ZNF648: variants seen among roughly 807,000 people sequenced by gnomAD.
ZNF648 encodes the protein zinc finger protein 648.
A neutral mutation model predicts 0.3 loss-of-function variants in ZNF648; 1 was observed. The observed-to-expected ratio is 3.90, with a 90% CI of 1.39 to 18.51. The LOEUF is 18.51. Among genes scored for constraint, ZNF648 ranks in the 30% most tolerant of loss-of-function variants. The probability of loss-of-function intolerance (pLI) is 0.11; values close to 1 mark genes in which losing one functional copy is unlikely to be tolerated. For synonymous variants in ZNF648, 376 were observed against 326.8 expected (o/e 1.15, Z -1.62); for missense variants, 874 against 769.7 (o/e 1.14, Z -1.60).
chr1:182,057,721 A>G lies in ZNF648; in HGVS notation c.290T>C (p.Met97Thr). 6.2e-7 allele frequency: 1 copy of G among 1,614,198 alleles called. No individual in the cohort carries two copies. Among genetic ancestry groups the G allele is most frequent in the Non-Finnish European group, 8.5e-7 (1 of 1,180,038 alleles). Reference sequence around the variant, plus strand: ...TCTGCTCCAACTGGCTTTCCCAGACATTTCCACTGGTTTCTGCCCCATGCC... The same window carrying G: ...TCTGCTCCAACTGGCTTTCCCAGACGTTTCCACTGGTTTCTGCCCCATGCC... Reference protein sequence around the residue: ...AGGMGQKPVEMSGKASWSRDV... With the variant: ...AGGMGQKPVETSGKASWSRDV... Residue 97 changes from methionine (M) to threonine (T), a missense_variant, in exon 2 of 2, where the codon ATG becomes ACG. By Grantham distance (81) the Met-to-Thr change is moderately conservative (BLOSUM62 -1). Transcript: ENST00000339948.
Position 182,056,958 on chromosome 1 carries a change from G to C in ZNF648, c.1053C>G (p.Arg351=), listed in dbSNP as rs758140827. The part of the protein sequence containing the change: ...GKAFVRSSDL[R]KHQRNMHSNN... ...TGCTGTGCATGTTGCGCTGGTGTTT[G>C]CGCAGGTCCGAAGAGCGCACGAAGG... Residue 351 remains arginine, a synonymous_variant, in exon 2 of 2, where the codon CGC becomes CGG. Coordinates refer to ENST00000339948, the MANE Select transcript of ZNF648 (RefSeq NM_001009992.1). The C allele has an allele frequency of 1.2e-5, 19 of 1,613,412 alleles. No individual in the cohort carries two copies. The highest frequency in any genetic ancestry group is 3.3e-5 in the Admixed American group (2 of 59,950).
At chr1:182,065,279 C>G (rs1666083447), upstream of ZNF648, among the ~76,000 whole-genome samples, 1 of 152,122 alleles carries the variant, frequency 6.6e-6, no homozygotes, top group Admixed American at 6.5e-5. Flanking sequence ...TTATTTCCTC[C>G]TGGAAAGTCT....
Position 182,057,004 on chromosome 1 carries a change from G to C in ZNF648, c.1007C>G (p.Pro336Arg), listed in dbSNP as rs756900094. 2 of 1,613,568 alleles carry C rather than the reference G, an allele frequency of 1.2e-6. No homozygotes were observed. The highest frequency in any genetic ancestry group is 2.2e-5 in the South Asian group (2 of 91,072). The change falls in exon 2 of 2, where the codon CCG (proline) becomes CGG (arginine). Residue 336 changes from proline to arginine, a missense_variant. Pro to Arg is a moderately radical substitution (Grantham distance 103). Coordinates refer to ENST00000339948, the MANE Select transcript of ZNF648 (RefSeq NM_001009992.1). ...GAAGGCCTTCCCGCAGTCTGGACACGGGTAGGGTTTCTCGCCTGTGTGGGT... is the reference window on the plus strand; with the variant it reads ...GAAGGCCTTCCCGCAGTCTGGACACCGGTAGGGTTTCTCGCCTGTGTGGGT... The part of the protein sequence containing the change: ...IRTHTGEKPY[P>R]CPDCGKAFVR...
intron 1 of ZNF648, among the ~76,000 whole-genome samples, chr1:182,058,500 G>A (rs1291775522): frequency 1.3e-5 from 2 of 149,708 alleles, no homozygotes; most frequent in Non-Finnish European, 2.9e-5. Context: ...GCTGGCTTTT[G>A]CTGTCCCTGC....
chr1:182,065,293 T>C (rs1239815923), upstream of ZNF648, among the ~76,000 whole-genome samples: 4 of 152,116 alleles, frequency 2.6e-5, no homozygotes, highest in African/African-American at 9.7e-5. Flanking sequence ...AAAGTCTTAG[T>C]CCCTCCTCCC....
intron 1 of ZNF648, among the ~76,000 whole-genome samples, chr1:182,059,668 C>T (rs1005348346): frequency 6.6e-6 from 1 of 152,018 alleles, no homozygotes; most frequent in African/African-American, 2.4e-5. Context: ...AGATTGAGAC[C>T]ATTCTGGCTA....
intron 1 of ZNF648, among the ~76,000 whole-genome samples, chr1:182,059,930 G>A (rs1666003783): frequency 6.6e-6 from 1 of 152,218 alleles, no homozygotes; most frequent in East Asian, 1.9e-4. Context: ...CAGCAGCAGT[G>A]GGGTTTCTCT....
upstream of ZNF648, chr1:182,064,852 A>G (rs2101923659): frequency 6.6e-6 from 1 of 152,304 alleles, no homozygotes; most frequent in African/African-American, 2.4e-5. Flanking sequence ...TTTGAGCTTC[A>G]GCTATCTTTG....
upstream of ZNF648, among the ~76,000 whole-genome samples, chr1:182,065,564 C>A (rs1557979698): frequency 6.6e-6 from 1 of 152,234 alleles, no homozygotes; most frequent in Non-Finnish European, 1.5e-5. Context: ...TCAAGACACA[C>A]TGGTGTTGCC....
chr1:182,056,174 A>T lies in ZNF648; in HGVS notation c.*130T>A. ...GGTGACTTTCTGTTCAAGGGATCAAATAAATAATCAAATGGACCACTGATG... is the reference window on the plus strand; with the variant it reads ...GGTGACTTTCTGTTCAAGGGATCAATTAAATAATCAAATGGACCACTGATG... On this transcript the variant is annotated 3_prime_UTR_variant, in exon 2 of 2. Coordinates refer to ENST00000339948, the MANE Select transcript of ZNF648 (RefSeq NM_001009992.1). 1.6e-6 allele frequency: 2 copies of T among 1,229,836 alleles called. No homozygotes were observed. Among genetic ancestry groups the T allele is most frequent in the African/African-American group, 1.5e-5 (1 of 66,178 alleles). 76.2% of individuals were successfully genotyped at this position (1,229,836 alleles called of 1,614,324 possible). A position where few individuals can be genotyped will look rare whatever the true frequency, so the allele number is the denominator to read the frequency against.
At chr1:182,058,148 T>G (rs1248733641) in intron 1 of ZNF648, 75 bp from the exon 2 acceptor site, 1 of 1,043,104 alleles carries the variant, frequency 9.6e-7, no homozygotes, top group Non-Finnish European at 1.4e-6. Flanking sequence ...GGGACTGAGG[T>G]TCCCACTATA....
Position 182,057,174 on chromosome 1 carries a change from G to A in ZNF648, c.837C>T (p.Tyr279=), listed in dbSNP as rs767179538. The A allele has an allele frequency of 2.5e-6, 4 of 1,589,626 alleles. No homozygotes were observed. The highest frequency in any genetic ancestry group is 1.1e-5 in the South Asian group (1 of 90,018). The part of the protein sequence containing the change: ...AETRGGAAKR[Y]ACELCGKAYS... ...AGGCCTTCCCGCATAGCTCGCACGC[G>A]TAGCGCTTGGCGGCGCCGCCGCGCG... Residue 279 remains tyrosine, a synonymous_variant, in exon 2 of 2, where the codon TAC becomes TAT. Transcript: ENST00000339948.
At chr1:182,068,733 G>A in the ZNF648 span, among the ~76,000 whole-genome samples, 3 of 151,764 alleles carry the variant, frequency 2.0e-5, no homozygotes, top group Admixed American at 6.6e-5. Flanking sequence ...GACCAGCCTC[G>A]GCAACATAGG....
At chr1:182,066,435 C>A (rs75828205), upstream of ZNF648, among the ~76,000 whole-genome samples, 2,687 of 152,334 alleles carry the variant, frequency 0.018, 53 homozygotes, top group South Asian at 0.1. Flanking sequence ...GGTATACTAT[C>A]TAATCTTCTT....
In ZNF648 at chr1:182,057,521, G is replaced by A. The variant is rs569250308; in HGVS notation, c.490C>T (p.Pro164Ser). The A allele has an allele frequency of 1.1e-5, 17 of 1,614,218 alleles. No individual in the cohort carries two copies. The African/African-American group carries it at 2.0e-4, about 19-fold the overall frequency. Residue 164 changes from proline (P) to serine (S), a missense_variant, in exon 2 of 2, where the codon CCA (proline) becomes TCA (serine). Pro to Ser is a moderately conservative substitution (Grantham distance 74). Coordinates refer to ENST00000339948, the MANE Select transcript of ZNF648 (RefSeq NM_001009992.1). ...GANQDAVLDV[P>S]PSFPSNGKYL... ...TTTCCATTGCTGGGGAAGCTGGGTG[G>A]GACATCCAAGACTGCGTCCTGGTTT...
rs1386534800 is a variant in ZNF648, at chr1:182,057,069, C to T, written c.942G>A (p.Lys314=). ...ERPYQCSFCD[K]AYTWSSDHRK... is the part of the protein sequence containing the mutation. ...GGTGGTCGGAGGACCAGGTGTAGGC[C>T]TTGTCGCAGAAGGAGCACTGGTAGG... is the stretch of plus-strand genomic sequence containing the variant. The change falls in exon 2 of 2, where the codon AAG becomes AAA. Residue 314 remains lysine, a synonymous_variant. Coordinates refer to ENST00000339948, the MANE Select transcript of ZNF648 (RefSeq NM_001009992.1). 6.2e-7 allele frequency: 1 copy of T among 1,613,080 alleles called. No individual in the cohort carries two copies. Among genetic ancestry groups the T allele is most frequent in the Non-Finnish European group, 8.5e-7 (1 of 1,179,940 alleles).
At chr1:182,065,296 C>G (rs1666083679), upstream of ZNF648, among the ~76,000 whole-genome samples, 1 of 152,132 alleles carries the variant, frequency 6.6e-6, no homozygotes, top group Non-Finnish European at 1.5e-5. Context: ...GTCTTAGTCC[C>G]TCCTCCCCAA....
chr1:182,063,113 G>C (rs1233903755), upstream of ZNF648: 4 of 152,264 alleles, frequency 2.6e-5, no homozygotes, highest in African/African-American at 7.2e-5. Context: ...TCATTGATGG[G>C]CATTTGGGTT....
upstream of ZNF648, chr1:182,063,114 C>T (rs1275160530): frequency 3.3e-5 from 5 of 152,186 alleles, no homozygotes; most frequent in Non-Finnish European, 4.4e-5. Flanking sequence ...CATTGATGGG[C>T]ATTTGGGTTG....
Sources: gnomAD v4.1 joint callset for allele counts (sites outside exome capture counted in the v4.1 genomes callset) on GRCh38, gnomAD v4.1.1 for gene constraint, MANE v1.5 for transcripts, NCBI Gene and HGNC (gene_info 2026-07-23, HGNC 2026-07-21) for gene names.